PCCA: variants seen among roughly 807,000 people sequenced by gnomAD.
PCCA encodes the protein propionyl-CoA carboxylase subunit alpha, also known as propionyl-CoA carboxylase alpha chain, mitochondrial.
PCCA carries 74 observed loss-of-function variants against 101.3 expected under a neutral mutation model. The ratio of observed to expected loss-of-function variants is 0.73; its 90% confidence interval spans 0.61 to 0.89. The LOEUF (loss-of-function observed/expected upper bound fraction) is 0.89, where lower values mean the gene tolerates loss of function less well. Among genes scored for constraint, PCCA ranks in the 40% least tolerant of loss-of-function variants. The pLI, the probability that PCCA is intolerant of heterozygous loss-of-function variation, is 0.00. For missense variants in PCCA, 891 were observed against 907.0 expected, an observed-to-expected ratio of 0.98 and a Z score of 0.23; for synonymous variants, 294 against 313.6, an observed-to-expected ratio of 0.94 and a Z score of 0.66.
chr13:100,354,017 T>C (rs1024430303), intron 18 of PCCA, among the ~76,000 whole-genome samples: 12 of 150,266 alleles, frequency 8.0e-5, no homozygotes, highest in Admixed American at 4.0e-4. Context: ...CCCAATTCTT[T>C]GGGAGATTGA....
At chr13:100,112,589 TTTTTTGGGACAGAGTCTTGC>T (rs1399590426) in intron 4 of PCCA, among the ~76,000 whole-genome samples, 1 of 151,318 alleles carries the variant, frequency 6.6e-6, no homozygotes, top group African/African-American at 2.4e-5. Context: ...TTTTTTTTTT[TTTTTTGGGACAGAGTCTTGC>T]TTTGTTGTCC....
At chr13:100,475,092 G>A (rs1223579823) in intron 21 of PCCA, among the ~76,000 whole-genome samples, 4 of 151,984 alleles carry the variant, frequency 2.6e-5, no homozygotes, top group African/African-American at 9.7e-5. Context: ...CTGTTGCCCA[G>A]GCTGGAGTGC....
intron 18 of PCCA, among the ~76,000 whole-genome samples, chr13:100,362,975 G>A (rs1196469374): frequency 6.6e-6 from 1 of 152,158 alleles, no homozygotes; most frequent in Non-Finnish European, 1.5e-5. Context: ...ATGTTGGAGT[G>A]TTGTAAGTTC....
At chr13:100,230,962 G>A (rs982716491) in intron 7 of PCCA, among the ~76,000 whole-genome samples, 1 of 152,138 alleles carries the variant, frequency 6.6e-6, no homozygotes, top group African/African-American at 2.4e-5. Context: ...TTTCTCTCAT[G>A]TGGCTGTGAG....
intron 21 of PCCA, among the ~76,000 whole-genome samples, chr13:100,514,696 A>G (rs2086705473): frequency 6.6e-6 from 1 of 152,210 alleles, no homozygotes. Flanking sequence ...CCACCTACAG[A>G]AGGTGCCATG....
At chr13:100,171,348 T>G (rs2152415035) in intron 6 of PCCA, among the ~76,000 whole-genome samples, 1 of 152,270 alleles carries the variant, frequency 6.6e-6, no homozygotes, top group African/African-American at 2.4e-5. Context: ...CCAGAAAATT[T>G]GATAGGCACT....
chr13:100,358,245 C>T (rs2074155977), intron 18 of PCCA, among the ~76,000 whole-genome samples: 1 of 152,142 alleles, frequency 6.6e-6, no homozygotes, highest in African/African-American at 2.4e-5. Context: ...TAACTGCCTG[C>T]TGTAATAAAA....
At chr13:100,195,021 A>G (rs1473490993) in intron 6 of PCCA, among the ~76,000 whole-genome samples, 5 of 152,354 alleles carry the variant, frequency 3.3e-5, no homozygotes, top group East Asian at 3.9e-4. Flanking sequence ...AAAGGTACCA[A>G]TTAATATTCC....
At chr13:100,308,993 C>T (rs559862000) in intron 15 of PCCA, among the ~76,000 whole-genome samples, 1 of 152,244 alleles carries the variant, frequency 6.6e-6, no homozygotes, top group East Asian at 1.9e-4. Flanking sequence ...TGAAAAAGTA[C>T]CATTTGCTTC....
chr13:100,429,975 A>C (rs1232714841), intron 20 of PCCA, among the ~76,000 whole-genome samples: 1 of 151,992 alleles, frequency 6.6e-6, no homozygotes, highest in East Asian at 1.9e-4. Context: ...CCCACTATCT[A>C]GATTAAAAAA....
chr13:100,177,766 A>C (rs543602848), intron 6 of PCCA, among the ~76,000 whole-genome samples: 2 of 152,250 alleles, frequency 1.3e-5, no homozygotes, highest in African/African-American at 2.4e-5. Flanking sequence ...GTCTTCAAAC[A>C]TTCTCAGAAC....
intron 4 of PCCA, among the ~76,000 whole-genome samples, chr13:100,114,754 C>G (rs914365846): frequency 6.6e-6 from 1 of 152,168 alleles, no homozygotes. Context: ...CCGGTTAAAA[C>G]GGCTTTTATC....
Position 100,514,542 on chromosome 13 carries a change from A to G in PCCA, c.1900-885A>G, listed in dbSNP as rs139946511. ...GGTGGTTCCAATTTCACCAAGAGAC[A>G]CTTCCTCAAACCATTTTATCTTTTT... On this transcript the variant is annotated intron_variant, in intron 21 of 23. Transcript: ENST00000376285. Among the ~76,000 whole-genome samples, 676 of 152,278 alleles carry G rather than the reference A, an allele frequency of 4.4e-3. 8 individuals carry two copies. The highest frequency in any genetic ancestry group is 0.016 in the African/African-American group (654 of 41,548).
At position 100,273,353 on chromosome 13, in the gene PCCA, A is replaced by T; in HGVS notation, c.1065+7A>T. 6.2e-7 allele frequency: 1 copy of T among 1,608,862 alleles called. No homozygotes were observed. On this transcript the variant is annotated splice_region_variant and intron_variant, in intron 12 of 23. Transcript: ENST00000376285. ...AATGAATACAAGACTCCAGGTAACAACAACTGTTATTTATTCCTCTCCATG... is the reference window on the plus strand; with the variant it reads ...AATGAATACAAGACTCCAGGTAACATCAACTGTTATTTATTCCTCTCCATG...
chr13:100,354,976 C>A (rs192778690), intron 18 of PCCA, among the ~76,000 whole-genome samples: 6 of 152,252 alleles, frequency 3.9e-5, no homozygotes, highest in Admixed American at 1.3e-4. Context: ...CCAATATCAT[C>A]ATGATTCCAA....
chr13:100,460,388 A>G (rs1352106230), intron 21 of PCCA, among the ~76,000 whole-genome samples: 1 of 152,232 alleles, frequency 6.6e-6, no homozygotes, highest in East Asian at 1.9e-4. Flanking sequence ...AGTGAGACTG[A>G]CTTTTTTTCC....
intron 4 of PCCA, among the ~76,000 whole-genome samples, chr13:100,135,020 G>A (rs1164253561): frequency 3.3e-5 from 5 of 151,682 alleles, no homozygotes; most frequent in Admixed American, 3.3e-4. Flanking sequence ...CCCAACTGTA[G>A]GTACATGCCA....
At position 100,356,201 on chromosome 13, in the gene PCCA, T is replaced by C. The variant is rs184944624; in HGVS notation, c.1644-12271T>C. 2.2e-3 allele frequency among the ~76,000 whole-genome samples: 332 copies of C among 152,206 alleles called. 3 individuals are homozygous for C. Among genetic ancestry groups the C allele is most frequent in the African/African-American group, 7.7e-3 (321 of 41,552 alleles). ...AGGAGTTAATCTTTGTTACGTTTGG[T>C]TAGGTAATAATTTCTTACATAAGAT... On this transcript the variant is annotated intron_variant, in intron 18 of 23. Transcript: ENST00000376285.
At chr13:100,126,325 T>G (rs150248618) in intron 4 of PCCA, among the ~76,000 whole-genome samples, 1 of 152,330 alleles carries the variant, frequency 6.6e-6, no homozygotes, top group Non-Finnish European at 1.5e-5. Flanking sequence ...ATGTTTGCTT[T>G]GCCCTTTCAT....
Sources: gnomAD v4.1 joint callset for allele counts (sites outside exome capture counted in the v4.1 genomes callset) on GRCh38, gnomAD v4.1.1 for gene constraint, MANE v1.5 for transcripts, NCBI Gene and HGNC (gene_info 2026-07-23, HGNC 2026-07-21) for gene names.